Variants in MAGI2 observed in about 807,000 individuals in gnomAD.
The protein encoded by MAGI2 is membrane-associated guanylate kinase, WW and PDZ domain-containing protein 2.
MAGI2 carries 35 observed loss-of-function variants against 133.3 expected under a neutral mutation model. That is an observed-to-expected ratio of 0.26 (90% CI 0.20 to 0.35). The LOEUF (loss-of-function observed/expected upper bound fraction) is 0.35. Among genes scored for constraint, MAGI2 ranks in the 10% least tolerant of loss-of-function variants. The pLI is 1.00. For synonymous variants in MAGI2, 729 were observed against 710.6 expected (o/e 1.03, Z -0.41); for missense variants, 1,636 against 1,863.4 (o/e 0.88, Z 2.25).
chr7:78,569,721 AT>A (rs1302812232), intron 3 of MAGI2, among the ~76,000 whole-genome samples: 1 of 152,192 alleles, frequency 6.6e-6, no homozygotes, highest in Non-Finnish European at 1.5e-5. Context: ...AATTTGACAC[AT>A]TTTCACAAAG....
At chr7:78,585,881 T>G (rs1803346608) in intron 3 of MAGI2, among the ~76,000 whole-genome samples, 1 of 152,188 alleles carries the variant, frequency 6.6e-6, no homozygotes, top group South Asian at 2.1e-4. Flanking sequence ...ATCACCTTTA[T>G]GGAGATCACG....
At chr7:78,133,843 T>G (rs1191449040) in intron 17 of MAGI2, among the ~76,000 whole-genome samples, 1 of 152,184 alleles carries the variant, frequency 6.6e-6, no homozygotes, top group Non-Finnish European at 1.5e-5. Flanking sequence ...TTTTCTTTTC[T>G]CTCTCTCTTT....
At chr7:79,452,929 C>G in intron 1 of MAGI2, 91 bp downstream of exon 1, 2 of 1,379,750 alleles carry the variant, frequency 1.4e-6, no homozygotes, top group South Asian at 2.8e-5. Flanking sequence ...CGCAACACAC[C>G]CCCTTCAACA....
intron 1 of MAGI2, among the ~76,000 whole-genome samples, chr7:79,117,429 C>T (rs28599885): frequency 0.041 from 6,195 of 152,140 alleles, 457 homozygotes; most frequent in African/African-American, 0.14. Context: ...TGATCAAAAT[C>T]ATAATATGAT....
chr7:79,452,489 CACGGAT>C (rs1849354723), intron 1 of MAGI2, among the ~76,000 whole-genome samples: 1 of 152,116 alleles, frequency 6.6e-6, no homozygotes, highest in Non-Finnish European at 1.5e-5. Context: ...AGCGGTGGCT[CACGGAT>C]CCCTAAGGGA....
Position 78,669,017 on chromosome 7 carries a change from A to G in MAGI2, c.419-41778T>C, listed in dbSNP as rs192759383. On this transcript the variant is annotated intron_variant, in intron 2 of 21. Coordinates refer to ENST00000354212, the MANE Select transcript of MAGI2 (RefSeq NM_012301.4). The stretch of plus-strand genomic sequence containing the variant: ...AACATCACAATTAAAAGAACTAGAA[A>G]AGCAAGGGCAAACACATTCAAAAGC... Among the ~76,000 whole-genome samples the G allele has an allele frequency of 1.1e-4, 17 of 152,214 alleles. 1 individual carries two copies. Among genetic ancestry groups the G allele is most frequent in the Admixed American group, 1.0e-3 (16 of 15,278 alleles).
At chr7:78,433,815 T>C (rs1470775151) in intron 6 of MAGI2, among the ~76,000 whole-genome samples, 1 of 152,106 alleles carries the variant, frequency 6.6e-6, no homozygotes, top group Non-Finnish European at 1.5e-5. Context: ...AGAATACGAT[T>C]TAGAGTCTAT....
chr7:78,389,531 T>A (rs1795708693), intron 6 of MAGI2, among the ~76,000 whole-genome samples: 1 of 152,178 alleles, frequency 6.6e-6, no homozygotes, highest in South Asian at 2.1e-4. Context: ...GCTGTGGCAC[T>A]GGGAGAGATA....
intron 3 of MAGI2, among the ~76,000 whole-genome samples, chr7:78,531,081 A>G (rs904467861): frequency 6.6e-6 from 1 of 152,188 alleles, no homozygotes; most frequent in African/African-American, 2.4e-5. Context: ...CAAAATGCAG[A>G]TGCAAAGATA....
chr7:78,093,869 G>A lies in MAGI2; in HGVS notation c.3568-14784C>T, dbSNP rs558243400. Among the ~76,000 whole-genome samples the A allele has an allele frequency of 2.0e-5, 3 of 152,142 alleles. No individual in the cohort carries two copies. The East Asian group carries it at 5.8e-4, about 29-fold the overall frequency. On this transcript the variant is annotated intron_variant, in intron 20 of 21. Coordinates refer to ENST00000354212, the MANE Select transcript of MAGI2 (RefSeq NM_012301.4). ...AAAAATGGACCCTTCATAATAATTA[G>A]CACTTATTCACATGGTTTTATGCCA...
At chr7:78,414,476 T>C (rs1798122605) in intron 6 of MAGI2, among the ~76,000 whole-genome samples, 1 of 152,024 alleles carries the variant, frequency 6.6e-6, no homozygotes, top group South Asian at 2.1e-4. Flanking sequence ...TTATTCTTTG[T>C]ACTTTATTTT....
intron 1 of MAGI2, among the ~76,000 whole-genome samples, chr7:79,377,229 T>C (rs906643009): frequency 5.9e-5 from 9 of 151,810 alleles, no homozygotes; most frequent in Non-Finnish European, 2.9e-5. Context: ...TCCACTCAAC[T>C]ATTAAATTAT....
At chr7:79,390,594 T>C (rs563111680) in intron 1 of MAGI2, among the ~76,000 whole-genome samples, 14 of 152,026 alleles carry the variant, frequency 9.2e-5, no homozygotes, top group East Asian at 5.8e-4. Context: ...GAGTGTTGAG[T>C]TTCGAGAGGA....
chr7:79,143,464 T>C (rs190159098), intron 1 of MAGI2, among the ~76,000 whole-genome samples: 1 of 152,324 alleles, frequency 6.6e-6, no homozygotes, highest in East Asian at 1.9e-4. Flanking sequence ...TTTTCACAGT[T>C]CTAAATGAGC....
intron 1 of MAGI2, among the ~76,000 whole-genome samples, chr7:79,425,941 G>T (rs563685760): frequency 6.6e-6 from 1 of 152,198 alleles, no homozygotes; most frequent in South Asian, 2.1e-4. Context: ...TGAATAAAAG[G>T]CACCACATAA....
intron 20 of MAGI2, among the ~76,000 whole-genome samples, chr7:78,104,812 C>A (rs1207660772): frequency 6.6e-6 from 1 of 152,104 alleles, no homozygotes; most frequent in Non-Finnish European, 1.5e-5. Flanking sequence ...AGATGAAGTG[C>A]TCCCTCATCA....
intron 14 of MAGI2, 32 bp downstream of exon 14, chr7:78,177,979 C>G (rs917996372): frequency 6.8e-7 from 1 of 1,473,916 alleles, no homozygotes; most frequent in Non-Finnish European, 9.5e-7. Flanking sequence ...CAATACAGCC[C>G]CAAGCATGGA....
chr7:79,138,685 T>A (rs1315284597), intron 1 of MAGI2, among the ~76,000 whole-genome samples: 1 of 152,000 alleles, frequency 6.6e-6, no homozygotes, highest in African/African-American at 2.4e-5. Context: ...GGGGCCATAA[T>A]CCAATATGAC....
intron 2 of MAGI2, among the ~76,000 whole-genome samples, chr7:78,915,108 A>T (rs1798689857): frequency 6.6e-6 from 1 of 152,140 alleles, no homozygotes; most frequent in Non-Finnish European, 1.5e-5. Context: ...CCACCTGAAT[A>T]GAGCTTTATA....
Sources: allele counts gnomAD v4.1 joint callset (sites outside exome capture counted in the v4.1 genomes callset), GRCh38; gene constraint gnomAD v4.1.1; transcripts MANE v1.5; gene names NCBI Gene and HGNC (gene_info 2026-07-23, HGNC 2026-07-21).